The following ATP10A variants were observed in gnomAD, a reference collection of about 807,000 sequenced individuals.
ATP10A encodes phospholipid-transporting ATPase VA.
In ATP10A, 111 loss-of-function variants were observed where a neutral mutation model predicts 147.8. That is an observed-to-expected ratio of 0.75 (90% confidence interval 0.64 to 0.88). ATP10A has a LOEUF of 0.88. Among genes scored for constraint, ATP10A ranks in the 40% least tolerant of loss-of-function variants. The pLI is 0.00. For synonymous variants in ATP10A, 875 were observed against 841.6 expected (o/e 1.04, Z -0.69); for missense variants, 1,927 against 1,959.0 (o/e 0.98, Z 0.31).
At chr15:25,806,222 C>CACGCTCA (rs1262929181) in intron 1 of ATP10A, among the ~76,000 whole-genome samples, 1 of 152,176 alleles carries the variant, frequency 6.6e-6, no homozygotes, top group African/African-American at 2.4e-5. Flanking sequence ...TCCTCCTCAG[C>CACGCTCA]ACGCTCAACA....
At chr15:25,807,133 A>G (rs1180175728) in intron 1 of ATP10A, among the ~76,000 whole-genome samples, 1 of 152,210 alleles carries the variant, frequency 6.6e-6, no homozygotes, top group African/African-American at 2.4e-5. Flanking sequence ...GAGATGAGGA[A>G]AACATCCTTC....
intron 2 of ATP10A, among the ~76,000 whole-genome samples, chr15:25,772,003 C>T (rs929865470): frequency 6.6e-6 from 1 of 152,148 alleles, no homozygotes; most frequent in African/African-American, 2.4e-5. Flanking sequence ...CCACCTGCCT[C>T]AGCCTCCCAA....
At position 25,862,155 on chromosome 15, in the gene ATP10A, A is replaced by G. The variant is rs146410025; in HGVS notation, c.449+493T>C. On this transcript the variant is annotated intron_variant, in intron 1 of 20. Coordinates refer to ENST00000555815, the MANE Select transcript of ATP10A (RefSeq NM_024490.4). Reference sequence around the variant, plus strand: ...CCCTGGTACCTGGGCCGTGCCAGACATATCAGCACTTGGCGGCAGTTTCAC... The same window carrying G: ...CCCTGGTACCTGGGCCGTGCCAGACGTATCAGCACTTGGCGGCAGTTTCAC... The G allele has an allele frequency of 1.8e-3, 766 of 417,056 alleles. 4 individuals are homozygous for G. Among genetic ancestry groups the G allele is most frequent in the African/African-American group, 0.014 (698 of 49,264 alleles). The allele number at this position is 417,056 out of a possible 1,614,324, so 25.8% of individuals were successfully genotyped here.
rs1468148150 is a variant in ATP10A at position 25,714,240 on chromosome 15, A to G, written c.1778T>C (p.Val593Ala). 6.3e-7 allele frequency: 1 copy of G among 1,598,984 alleles called. No homozygotes were observed. Residue 593 changes from valine (V) to alanine (A), a missense_variant and splice_region_variant, in exon 10 of 21, where the codon GTG becomes GCG. By Grantham distance (64) the Val-to-Ala change is moderately conservative. Coordinates refer to ENST00000555815, the MANE Select transcript of ATP10A (RefSeq NM_024490.4). ...VTSPDQPRTK[V>A]RVRFELKSPV... ...GGACTTCAGCTCAAACCTCACCCTC[A>G]CCTGCAAGAGAAATGGTCAGAAGGC... is the stretch of plus-strand genomic sequence containing the variant.
chr15:25,687,448 G>C (rs1341069945), intron 16 of ATP10A, among the ~76,000 whole-genome samples: 2 of 151,912 alleles, frequency 1.3e-5, no homozygotes, highest in Non-Finnish European at 2.9e-5. Flanking sequence ...GCCATCAGTG[G>C]ACTTGCTAGT....
chr15:25,827,366 T>C (rs1457475154), intron 1 of ATP10A, among the ~76,000 whole-genome samples: 1 of 152,184 alleles, frequency 6.6e-6, no homozygotes, highest in African/African-American at 2.4e-5. Flanking sequence ...TAAGTAAATA[T>C]AAAATGCAAA....
intron 1 of ATP10A, among the ~76,000 whole-genome samples, chr15:25,839,651 T>C (rs11161238): frequency 0.63 from 95,307 of 152,118 alleles, 32,316 homozygotes; most frequent in East Asian, 0.91. Context: ...GCAACATGTG[T>C]ACTGGGCACA....
At chr15:25,733,338 C>G (rs1440638153) in intron 3 of ATP10A, among the ~76,000 whole-genome samples, 1 of 152,116 alleles carries the variant, frequency 6.6e-6, no homozygotes, top group Non-Finnish European at 1.5e-5. Context: ...TTAAGACCTC[C>G]TTTCTCTTTG....
chr15:25,723,828 TG>T, intron 6 of ATP10A, 62 bp downstream of exon 6: 1 of 1,408,702 alleles, frequency 7.1e-7, no homozygotes, highest in Non-Finnish European at 9.5e-7. Flanking sequence ...GAACAGAGTA[TG>T]ATGATTTTAA....
At chr15:25,839,613 G>T (rs1261727440) in intron 1 of ATP10A, among the ~76,000 whole-genome samples, 1 of 152,178 alleles carries the variant, frequency 6.6e-6, no homozygotes, top group African/African-American at 2.4e-5. Flanking sequence ...CCACCACTGG[G>T]CACTCCGTTG....
intron 6 of ATP10A, among the ~76,000 whole-genome samples, chr15:25,723,064 C>T (rs1337110156): frequency 6.6e-6 from 1 of 152,158 alleles, no homozygotes; most frequent in Non-Finnish European, 1.5e-5. Flanking sequence ...AAGCAAAGGA[C>T]TAGGCCGGGT....
intron 1 of ATP10A, among the ~76,000 whole-genome samples, chr15:25,849,268 C>T (rs987411874): frequency 1.3e-5 from 2 of 152,064 alleles, no homozygotes; most frequent in Non-Finnish European, 2.9e-5. Flanking sequence ...GGCTTGCACA[C>T]GTAAGGCATG....
chr15:25,793,598 C>G (rs958947690), intron 1 of ATP10A, among the ~76,000 whole-genome samples: 1 of 152,216 alleles, frequency 6.6e-6, no homozygotes, highest in Admixed American at 6.5e-5. Flanking sequence ...AACCCTCTTC[C>G]GCTCCCTGGC....
At position 25,700,689 on chromosome 15, in the gene ATP10A, T is replaced by C. The variant is rs75351669; in HGVS notation, c.2760+1227A>G. 5.3e-5 allele frequency among the ~76,000 whole-genome samples: 8 copies of C among 152,174 alleles called. No homozygotes were observed. The East Asian group carries it at 1.4e-3, about 26-fold the overall frequency. ...GGTTAGAAAAGGAGGGAAGTTACAA[T>C]TGCACGGGGGTAGCATGGCAGACTT... On this transcript the variant is annotated intron_variant, in intron 13 of 20. Transcript: ENST00000555815.
At chr15:25,706,384 C>T (rs1288146067) in intron 12 of ATP10A, among the ~76,000 whole-genome samples, 4 of 152,204 alleles carry the variant, frequency 2.6e-5, no homozygotes, top group South Asian at 2.1e-4. Context: ...GCCTGCGCCA[C>T]GCTCAGTGCC....
intron 1 of ATP10A, among the ~76,000 whole-genome samples, chr15:25,799,724 C>A (rs1444882036): frequency 6.6e-6 from 1 of 152,056 alleles, no homozygotes; most frequent in East Asian, 1.9e-4. Context: ...CAGAGCAGGA[C>A]CCTGTCTCAA....
At chr15:25,860,451 T>C (rs1300891252) in intron 1 of ATP10A, among the ~76,000 whole-genome samples, 1 of 152,204 alleles carries the variant, frequency 6.6e-6, no homozygotes, top group Non-Finnish European at 1.5e-5. Context: ...CTCCTCCTTC[T>C]ATTCCCAGGG....
intron 2 of ATP10A, among the ~76,000 whole-genome samples, chr15:25,746,748 G>A (rs1423738654): frequency 6.6e-6 from 1 of 152,136 alleles, no homozygotes; most frequent in East Asian, 1.9e-4. Flanking sequence ...AGTCACGAGA[G>A]AAATTAAGAA....
At chr15:25,691,105 T>C (rs1567303383) in intron 15 of ATP10A, among the ~76,000 whole-genome samples, 1 of 152,214 alleles carries the variant, frequency 6.6e-6, no homozygotes, top group Non-Finnish European at 1.5e-5. Flanking sequence ...GGATAAATTG[T>C]TCCCTAAAAT....
Sources: allele counts gnomAD v4.1 joint callset (sites outside exome capture counted in the v4.1 genomes callset), GRCh38; gene constraint gnomAD v4.1.1; transcripts MANE v1.5; gene names NCBI Gene and HGNC (gene_info 2026-07-23, HGNC 2026-07-21).